Variants in NFASC observed in about 807,000 individuals in gnomAD.
NFASC encodes the protein neurofascin homolog.
A neutral mutation model predicts 147.5 loss-of-function variants in NFASC; 43 were observed. That is an observed-to-expected ratio of 0.29 (90% CI 0.23 to 0.38). The LOEUF (loss-of-function observed/expected upper bound fraction) is 0.38, where lower values mean the gene tolerates loss of function less well. Among genes scored for constraint, NFASC ranks in the 10% least tolerant of loss-of-function variants. The pLI is 1.00. For synonymous variants in NFASC, 622 were observed against 665.5 expected (o/e 0.93, Z 1.01); for missense variants, 1,320 against 1,689.0 (o/e 0.78, Z 3.83).
intron 2 of NFASC, among the ~76,000 whole-genome samples, chr1:204,935,693 G>A (rs1198041478): frequency 1.3e-5 from 2 of 152,164 alleles, no homozygotes; most frequent in Non-Finnish European, 2.9e-5. Flanking sequence ...ATGGGATAGA[G>A]GAAGATGAGA....
rs1429683217 is a variant in NFASC at position 204,954,799 on chromosome 1, A to T, written c.413-30A>T. The T allele has an allele frequency of 6.2e-7, 1 of 1,612,200 alleles. No homozygotes were observed. The highest frequency in any genetic ancestry group is 8.5e-7 in the Non-Finnish European group (1 of 1,179,046). ...TGCCCCGGGCCCAGCCATCACCCTC[A>T]CTTTATCCTCTTTGTCCACTTCTCT... On this transcript the variant is annotated intron_variant, in intron 6 of 29. Transcript: ENST00000339876. The surrounding 1 kb of genome is among the most constrained non-coding windows in gnomAD (Gnocchi z 5.7).
In NFASC at chr1:205,019,917, G is replaced by T. The variant is rs931462329; in HGVS notation, c.*3378G>T. On this transcript the variant is annotated 3_prime_UTR_variant, in exon 30 of 30. Coordinates refer to ENST00000339876, the MANE Select transcript of NFASC (RefSeq NM_001005388.3). Reference sequence around the variant, plus strand: ...GAGGCACGGGCTCCCCTGAAGGATTGTCGAGGCCAGGGTTCGGGAAGTACA... The same window carrying T: ...GAGGCACGGGCTCCCCTGAAGGATTTTCGAGGCCAGGGTTCGGGAAGTACA... The T allele has an allele frequency of 2.0e-5, 3 of 152,254 alleles. No individual in the cohort carries two copies. Among genetic ancestry groups the T allele is most frequent in the African/African-American group, 7.2e-5 (3 of 41,454 alleles). 9.4% of individuals were successfully genotyped at this position (152,254 alleles called of 1,614,324 possible).
chr1:204,924,376 C>T lies in NFASC; in HGVS notation c.-91+3636C>T, dbSNP rs183562249. 3.0e-3 allele frequency among the ~76,000 whole-genome samples: 457 copies of T among 152,334 alleles called. 2 individuals carry two copies. The highest frequency in any genetic ancestry group is 0.027 in the Middle Eastern group (8 of 292). On this transcript the variant is annotated intron_variant, in intron 2 of 29. Transcript: ENST00000339876. ...CTATGCTCCCGCTTATCACATCAGA[C>T]AGGAATTTAAAAAATGCAACCGGGG...
intron 1 of NFASC, 134 bp from the exon 2 acceptor site, chr1:204,920,498 A>C (rs1297939968): frequency 2.8e-6 from 1 of 359,806 alleles, no homozygotes; most frequent in East Asian, 7.8e-5. Context: ...TATGCTATGC[A>C]AAACTTTACC....
At chr1:204,952,276 A>G (rs1023152688) in intron 5 of NFASC, among the ~76,000 whole-genome samples, 160 bp downstream of exon 5, 1 of 152,202 alleles carries the variant, frequency 6.6e-6, no homozygotes, top group Non-Finnish European at 1.5e-5. Context: ...GTACCAGGAA[A>G]TTTTGCCGGT....
chr1:204,995,330 G>GTGTT (rs2095823613), intron 24 of NFASC, among the ~76,000 whole-genome samples: 1 of 148,494 alleles, frequency 6.7e-6, no homozygotes, highest in African/African-American at 2.4e-5. Context: ...GTGTGTGTGT[G>GTGTT]TGTGTGTGTG....
chr1:204,845,357 C>T (rs1676694537), intron 1 of NFASC, among the ~76,000 whole-genome samples: 1 of 151,144 alleles, frequency 6.6e-6, no homozygotes, highest in African/African-American at 2.4e-5. Flanking sequence ...ACTTGGGAGG[C>T]TGAGGCAGGA....
chr1:204,881,247 C>T (rs1007839177), intron 1 of NFASC, among the ~76,000 whole-genome samples: 2 of 152,204 alleles, frequency 1.3e-5, no homozygotes, highest in African/African-American at 4.8e-5. Context: ...TGTTGAGCCA[C>T]CCCTGGGGGT....
intron 1 of NFASC, among the ~76,000 whole-genome samples, chr1:204,915,005 C>T (rs535769543): frequency 9.2e-5 from 14 of 152,278 alleles, no homozygotes; most frequent in African/African-American, 2.9e-4. Context: ...ACGCTGGGCG[C>T]GGTGGCTCTT....
chr1:204,866,070 G>A (rs1278108605), intron 1 of NFASC, among the ~76,000 whole-genome samples: 1 of 152,224 alleles, frequency 6.6e-6, no homozygotes, highest in Admixed American at 6.5e-5. Flanking sequence ...GGCAGCCAAA[G>A]TGCAGTCATC....
At chr1:204,879,713 T>G (rs2079758266) in intron 1 of NFASC, among the ~76,000 whole-genome samples, 1 of 152,216 alleles carries the variant, frequency 6.6e-6, no homozygotes, top group Admixed American at 6.5e-5. Context: ...GAGTGAAGAC[T>G]GGAACTTGAG....
chr1:204,832,839 T>C (rs1440895160), intron 1 of NFASC, among the ~76,000 whole-genome samples: 6 of 152,202 alleles, frequency 3.9e-5, no homozygotes, highest in African/African-American at 1.4e-4. Context: ...TAGTGAGCAG[T>C]AGGATCTGGA....
chr1:204,954,757 C>T lies in NFASC; in HGVS notation c.413-72C>T. On this transcript the variant is annotated intron_variant, in intron 6 of 29. Transcript: ENST00000339876. The surrounding 1 kb of genome is among the most constrained non-coding windows in gnomAD (Gnocchi z 5.7). ...TCTGTTTCTCCTCCTTGCATGCCTG[C>T]CTCTGACCCTGCTCCTTGCCCCGGG... is the stretch of plus-strand genomic sequence containing the variant. 1 of 1,559,894 alleles carries T rather than the reference C, an allele frequency of 6.4e-7. No homozygotes were observed. Among genetic ancestry groups the T allele is most frequent in the Non-Finnish European group, 8.8e-7 (1 of 1,137,654 alleles).
At position 205,017,455 on chromosome 1, in the gene NFASC, C is replaced by T. The variant is rs1175700693; in HGVS notation, c.*916C>T. ...TGTCTGGTCTTGGGGGCACTGTGCT[C>T]ACTTCTAGAGAGAAGAAAAAGGCTG... On this transcript the variant is annotated 3_prime_UTR_variant, in exon 30 of 30. Coordinates refer to ENST00000339876, the MANE Select transcript of NFASC (RefSeq NM_001005388.3). 3 of 152,728 alleles carry T rather than the reference C, an allele frequency of 2.0e-5. No individual in the cohort carries two copies. Among genetic ancestry groups the T allele is most frequent in the Non-Finnish European group, 4.4e-5 (3 of 68,188 alleles). 9.5% of individuals were successfully genotyped at this position (152,728 alleles called of 1,614,324 possible). A position where few individuals can be genotyped will look rare whatever the true frequency, so the allele number is the denominator to read the frequency against.
chr1:204,858,978 C>CTTTTTTTTT (rs56763796), intron 1 of NFASC, among the ~76,000 whole-genome samples: 1 of 139,572 alleles, frequency 7.2e-6, no homozygotes, highest in African/African-American at 2.7e-5. Context: ...AATGCACTGA[C>CTTTTTTTTT]TTTTTTTTTT....
intron 2 of NFASC, 145 bp from the exon 3 acceptor site, chr1:204,944,081 A>G (rs1235038475): frequency 7.3e-6 from 5 of 687,348 alleles, no homozygotes; most frequent in Non-Finnish European, 1.2e-5. Flanking sequence ...ACGTGTCAGT[A>G]GTGTTGAGGT....
chr1:204,920,794 G>C, intron 2 of NFASC, 54 bp downstream of exon 2: 39 of 817,010 alleles, frequency 4.8e-5, no homozygotes, highest in Non-Finnish European at 6.6e-5. Flanking sequence ...AGAATGAGGG[G>C]ACATTCTCGC....
intron 3 of NFASC, 42 bp downstream of exon 3, chr1:204,944,448 T>TTGG: frequency 3.7e-5 from 18 of 485,600 alleles, no homozygotes; most frequent in Non-Finnish European, 5.2e-5. Flanking sequence ...TTCCTGATTT[T>TTGG]GGGCAGAGGG....
intron 25 of NFASC, chr1:204,999,476 A>C (rs1252916815): frequency 6.6e-6 from 1 of 152,182 alleles, no homozygotes; most frequent in Non-Finnish European, 1.5e-5. Context: ...AGGAGGAAGA[A>C]ACTCAAGTCC....
Sources: gnomAD v4.1 joint callset for allele counts (sites outside exome capture counted in the v4.1 genomes callset) on GRCh38, gnomAD v4.1.1 for gene constraint, Gnocchi (gnomAD v3.1) non-coding constraint, MANE v1.5 for transcripts, NCBI Gene and HGNC (gene_info 2026-07-23, HGNC 2026-07-21) for gene names.